Variants in FAM117B observed in about 807,000 individuals in gnomAD.
FAM117B encodes family with sequence similarity 117 member B.
A neutral mutation model predicts 52.8 loss-of-function variants in FAM117B; 22 were observed. The ratio of observed to expected loss-of-function variants is 0.42; its 90% CI spans 0.30 to 0.59. The LOEUF (loss-of-function observed/expected upper bound fraction) is 0.59. FAM117B is among the 20% of genes least tolerant of loss of function. The pLI, the probability that FAM117B is intolerant of heterozygous loss-of-function variation, is 0.22. For missense variants in FAM117B, 678 were observed against 802.6 expected, an observed-to-expected ratio of 0.84 and a Z score of 1.88; for synonymous variants, 309 against 324.1, an observed-to-expected ratio of 0.95 and a Z score of 0.50.
At chr2:202,637,144 G>A (rs1021828029) in intron 1 of FAM117B, among the ~76,000 whole-genome samples, 20 of 152,176 alleles carry the variant, frequency 1.3e-4, no homozygotes, top group African/African-American at 4.3e-4. Context: ...TGAAACGCCC[G>A]CCTTGGCTTC....
In FAM117B at chr2:202,732,854, A is replaced by G. The variant is rs1331066843; in HGVS notation, c.960+6491A>G. ...AATAAATAAATAAATAAATAAATAA[A>G]TAAAAGAAAACATGCTAGTAAAAAA... On this transcript the variant is annotated intron_variant, in intron 4 of 7. Transcript: ENST00000392238. 4.8e-5 allele frequency among the ~76,000 whole-genome samples: 7 copies of G among 146,882 alleles called. No homozygotes were observed. In the South Asian group the frequency reaches 1.5e-3, roughly 32 times the overall value.
intron 1 of FAM117B, among the ~76,000 whole-genome samples, chr2:202,672,196 A>G (rs1043924029): frequency 6.6e-6 from 1 of 152,088 alleles, no homozygotes; most frequent in Admixed American, 6.6e-5. Context: ...ATTAATTACT[A>G]TTTTCACCAC....
In FAM117B at chr2:202,668,620, TAATAAATAAATA is replaced by T. The variant is rs60605421; in HGVS notation, c.602-27238_602-27227del. 2.7e-4 allele frequency among the ~76,000 whole-genome samples: 40 copies of T among 147,022 alleles called. No homozygotes were observed. The South Asian group carries it at 2.8e-3, about 10-fold the overall frequency. ...GGGCTACAGAGTGAGATCTTGTTCC[TAATAAATAAATA>T]AATAAATAAATAAATAAATAAAATA... On this transcript the variant is annotated intron_variant, in intron 1 of 7. Transcript: ENST00000392238.
chr2:202,738,319 T>C (rs1041569253), intron 4 of FAM117B, among the ~76,000 whole-genome samples: 2 of 152,222 alleles, frequency 1.3e-5, no homozygotes, highest in Non-Finnish European at 2.9e-5. Flanking sequence ...AGGTAGTCTT[T>C]AAAGAAACAA....
chr2:202,635,240 G>T lies in FAM117B; in HGVS notation c.53G>T (p.Gly18Val). Residue 18 changes from glycine to valine, a missense_variant, in exon 1 of 8, where the codon GGG becomes GTG. Physicochemically the swap from Gly to Val is moderately radical, Grantham distance 109 (BLOSUM62 -3). This residue lies in a region of FAM117B where 583 missense variants were observed against 644.8 expected (regional missense o/e 0.90). Coordinates refer to ENST00000392238, the MANE Select transcript of FAM117B (RefSeq NM_173511.4). ...TCCCCCACGCCGGCCGGCTCCCTTG[G>T]GGGTGGTGCGGTGGCCACGGCCGGG... The part of the protein sequence containing the change: ...NGSPTPAGSL[G>V]GGAVATAGGP... 2 of 1,339,654 alleles carry T rather than the reference G, an allele frequency of 1.5e-6. No homozygotes were observed. The highest frequency in any genetic ancestry group is 3.7e-5 in the South Asian group (2 of 54,162). 83.0% of individuals were successfully genotyped at this position (1,339,654 alleles called of 1,614,324 possible). A position where few individuals can be genotyped will look rare whatever the true frequency, so the allele number is the denominator to read the frequency against.
At chr2:202,685,435 AC>A (rs1690524403) in intron 1 of FAM117B, among the ~76,000 whole-genome samples, 1 of 152,228 alleles carries the variant, frequency 6.6e-6, no homozygotes, top group African/African-American at 2.4e-5. Context: ...CCTGCAGTTA[AC>A]ATCATATTTT....
intron 4 of FAM117B, among the ~76,000 whole-genome samples, chr2:202,748,193 A>G (rs983206627): frequency 2.0e-5 from 3 of 152,218 alleles, no homozygotes; most frequent in African/African-American, 7.2e-5. Context: ...GGAGGAAAGA[A>G]CATCTTCAAT....
chr2:202,752,282 A>G (rs893031177), intron 4 of FAM117B, among the ~76,000 whole-genome samples: 3 of 152,186 alleles, frequency 2.0e-5, no homozygotes, highest in African/African-American at 7.2e-5. Context: ...TGTGTTACAT[A>G]TGAGGACCCA....
chr2:202,663,083 C>A (rs900197951), intron 1 of FAM117B, among the ~76,000 whole-genome samples: 4 of 152,210 alleles, frequency 2.6e-5, no homozygotes, highest in Non-Finnish European at 5.9e-5. Context: ...CCTGCTCTTT[C>A]CACTTAAAAT....
In FAM117B at chr2:202,734,599, G is replaced by A. The variant is rs1691410196; in HGVS notation, c.960+8236G>A. Among the ~76,000 whole-genome samples the A allele has an allele frequency of 2.6e-5, 4 of 152,182 alleles. No individual in the cohort carries two copies. In the South Asian group the frequency reaches 8.3e-4, roughly 32 times the overall value. On this transcript the variant is annotated intron_variant, in intron 4 of 7. Transcript: ENST00000392238. Reference sequence around the variant, plus strand: ...ACTCTGAGGTCAGACTGTTTGGCTTGAAGTGTTGAGTCCTGCTGCCTGCTA... The same window carrying A: ...ACTCTGAGGTCAGACTGTTTGGCTTAAAGTGTTGAGTCCTGCTGCCTGCTA...
intron 1 of FAM117B, among the ~76,000 whole-genome samples, chr2:202,649,613 G>A (rs777026639): frequency 1.1e-4 from 17 of 151,964 alleles, no homozygotes; most frequent in Non-Finnish European, 2.2e-4. Context: ...GTGCAATGGC[G>A]TGATCTCGGC....
intron 3 of FAM117B, chr2:202,725,280 C>A: frequency 3.1e-5 from 7 of 222,792 alleles, no homozygotes; most frequent in Admixed American, 5.8e-5. Flanking sequence ...TGTAACAATA[C>A]AACAAATTCA....
At position 202,767,252 on chromosome 2, in the gene FAM117B, C is replaced by T. The variant is rs1370433616; in HGVS notation, c.*1488C>T. The T allele has an allele frequency of 6.7e-6, 1 of 149,810 alleles. No individual in the cohort carries two copies. The highest frequency in any genetic ancestry group is 1.5e-5 in the Non-Finnish European group (1 of 67,942). 9.3% of individuals were successfully genotyped at this position (149,810 alleles called of 1,614,324 possible). A position where few individuals can be genotyped will look rare whatever the true frequency, so the allele number is the denominator to read the frequency against. On this transcript the variant is annotated 3_prime_UTR_variant, in exon 8 of 8. Transcript: ENST00000392238. Reference sequence around the variant, plus strand: ...CTCGGCTCACTGCGACCTCTGTCTCCCAGGTTCAAGCAGTTCTCCTGCCTC... The same window carrying T: ...CTCGGCTCACTGCGACCTCTGTCTCTCAGGTTCAAGCAGTTCTCCTGCCTC...
At chr2:202,703,828 A>G (rs148640040) in intron 2 of FAM117B, among the ~76,000 whole-genome samples, 1 of 152,270 alleles carries the variant, frequency 6.6e-6, no homozygotes, top group East Asian at 1.9e-4. Context: ...CTTTCGATAT[A>G]TACCTGAGAG....
At chr2:202,655,707 T>G (rs377764636) in intron 1 of FAM117B, among the ~76,000 whole-genome samples, 1 of 98,838 alleles carries the variant, frequency 1.0e-5, no homozygotes, top group Non-Finnish European at 2.2e-5. Context: ...GGGAAGAGAG[T>G]GAGAGAGAGA....
chr2:202,640,095 C>A (rs529332884), intron 1 of FAM117B, among the ~76,000 whole-genome samples: 32 of 151,566 alleles, frequency 2.1e-4, no homozygotes, highest in African/African-American at 7.5e-4. Context: ...CATGGCGAAA[C>A]CCTGTCTCTA....
chr2:202,676,529 G>T (rs1288317429), intron 1 of FAM117B, among the ~76,000 whole-genome samples: 1 of 151,690 alleles, frequency 6.6e-6, no homozygotes, highest in African/African-American at 2.4e-5. Context: ...ACAGGCATGC[G>T]CCACCACACC....
chr2:202,758,216 A>G (rs891933437), intron 6 of FAM117B, among the ~76,000 whole-genome samples: 1 of 152,196 alleles, frequency 6.6e-6, no homozygotes, highest in African/African-American at 2.4e-5. Flanking sequence ...TGCTACTACT[A>G]CTCATCACCT....
chr2:202,702,491 G>A (rs1228739632), intron 2 of FAM117B, among the ~76,000 whole-genome samples: 5 of 152,174 alleles, frequency 3.3e-5, no homozygotes, highest in Admixed American at 1.3e-4. Context: ...GTCAGCAGCC[G>A]TTAACATCAA....
Sources: gnomAD v4.1 joint callset for allele counts (sites outside exome capture counted in the v4.1 genomes callset) on GRCh38, gnomAD v4.1.1 for gene constraint, gnomAD v4.1.1 regional missense constraint, MANE v1.5 for transcripts, NCBI Gene and HGNC (gene_info 2026-07-23, HGNC 2026-07-21) for gene names.